CMIP: variants seen among roughly 807,000 people sequenced by gnomAD.
CMIP encodes the protein C-Maf-inducing protein.
Under a neutral mutation model 97.3 loss-of-function variants are expected in CMIP, and 13 were observed. The ratio of observed to expected loss-of-function variants is 0.13; its 90% CI spans 0.09 to 0.21. The LOEUF (loss-of-function observed/expected upper bound fraction) is 0.21. Among genes scored for constraint, CMIP ranks in the 10% least tolerant of loss-of-function variants. CMIP has a pLI of 1.00. For missense variants in CMIP, 847 were observed against 1,024.9 expected, an observed-to-expected ratio of 0.83 and a Z score of 2.37; for synonymous variants, 538 against 436.3, an observed-to-expected ratio of 1.23 and a Z score of -2.91.
intron 6 of CMIP, among the ~76,000 whole-genome samples, chr16:81,662,461 G>A (rs527595581): frequency 6.8e-4 from 104 of 152,282 alleles, no homozygotes; most frequent in African/African-American, 2.4e-3. Flanking sequence ...TTCAAAGAGG[G>A]CCGTCTGCCT....
intron 3 of CMIP, among the ~76,000 whole-genome samples, chr16:81,624,606 G>A (rs2092035806): frequency 6.6e-6 from 1 of 152,122 alleles, no homozygotes; most frequent in East Asian, 1.9e-4. Flanking sequence ...CCCCTAATGG[G>A]ACCAAAATTG....
At chr16:81,661,121 C>T (rs541583801) in intron 6 of CMIP, among the ~76,000 whole-genome samples, 175 bp downstream of exon 6, 6 of 152,254 alleles carry the variant, frequency 3.9e-5, no homozygotes, top group African/African-American at 1.4e-4. Flanking sequence ...GCTACACCCA[C>T]GTCTCTGCCA....
Position 81,476,188 on chromosome 16 carries a change from T to G in CMIP, c.300+30647T>G, listed in dbSNP as rs1024574093. Reference sequence around the variant, plus strand: ...AGTCTTGGCAGTGCGTGTGGAAAACTGGGAACCGTTTGTGTTGGGTCCAGC... The same window carrying G: ...AGTCTTGGCAGTGCGTGTGGAAAACGGGGAACCGTTTGTGTTGGGTCCAGC... On this transcript the variant is annotated intron_variant, in intron 1 of 20. Coordinates refer to ENST00000537098, the MANE Select transcript of CMIP (RefSeq NM_198390.3). 3 of 1,274,676 alleles carry G rather than the reference T, an allele frequency of 2.4e-6. No individual in the cohort carries two copies. In the South Asian group the frequency reaches 3.6e-5, roughly 15 times the overall value. 79.0% of individuals were successfully genotyped at this position (1,274,676 alleles called of 1,614,324 possible). A position where few individuals can be genotyped will look rare whatever the true frequency, so the allele number is the denominator to read the frequency against.
chr16:81,538,294 A>T (rs555104175), intron 1 of CMIP, among the ~76,000 whole-genome samples: 1 of 152,280 alleles, frequency 6.6e-6, no homozygotes, highest in South Asian at 2.1e-4. Context: ...CACTTAAGAC[A>T]TAGGCGGCCC....
chr16:81,469,198 C>T (rs1024785403), intron 1 of CMIP, among the ~76,000 whole-genome samples: 15 of 152,202 alleles, frequency 9.9e-5, no homozygotes, highest in African/African-American at 3.6e-4. Context: ...TGGGGTCATT[C>T]TGGACTAGAA....
At chr16:81,535,127 CT>C (rs1027403603) in intron 1 of CMIP, among the ~76,000 whole-genome samples, 2 of 152,016 alleles carry the variant, frequency 1.3e-5, no homozygotes, top group Non-Finnish European at 2.9e-5. Context: ...ATTTTTTGTA[CT>C]TTTAGTAGAG....
chr16:81,498,387 G>T (rs928209636), intron 1 of CMIP, among the ~76,000 whole-genome samples: 3 of 152,162 alleles, frequency 2.0e-5, no homozygotes, highest in Admixed American at 2.0e-4. Context: ...AGTGAGATGC[G>T]GCCCTTGTCC....
At chr16:81,634,765 A>G (rs2092213121) in intron 3 of CMIP, among the ~76,000 whole-genome samples, 1 of 152,244 alleles carries the variant, frequency 6.6e-6, no homozygotes, top group Admixed American at 6.5e-5. Context: ...AGCCCTTTGT[A>G]GTAGGCGCCG....
chr16:81,664,180 G>C, intron 6 of CMIP, 89 bp from the exon 7 acceptor site: 4 of 1,289,338 alleles, frequency 3.1e-6, no homozygotes, highest in Non-Finnish European at 4.3e-6. Flanking sequence ...CCCACAGCTG[G>C]GCTGACTGTC....
intron 13 of CMIP, among the ~76,000 whole-genome samples, chr16:81,694,034 C>T (rs866307706): frequency 5.3e-5 from 8 of 152,186 alleles, no homozygotes; most frequent in East Asian, 1.9e-4. Flanking sequence ...GCCCTGGGCC[C>T]GCATCATCTG....
At chr16:81,638,785 C>T (rs528923940) in intron 3 of CMIP, among the ~76,000 whole-genome samples, 6 of 152,234 alleles carry the variant, frequency 3.9e-5, no homozygotes, top group African/African-American at 1.4e-4. Context: ...GTCCGCACAG[C>T]CTCTGGTCAG....
intron 1 of CMIP, among the ~76,000 whole-genome samples, chr16:81,551,189 G>A (rs532049871): frequency 1.2e-3 from 149 of 121,554 alleles, no homozygotes; most frequent in Middle Eastern, 6.8e-3. Context: ...TCTATCACAC[G>A]TACCCCAGTT....
chr16:81,540,837 C>A (rs924941088), intron 1 of CMIP, among the ~76,000 whole-genome samples: 3 of 152,106 alleles, frequency 2.0e-5, no homozygotes, highest in African/African-American at 7.2e-5. Flanking sequence ...TGTGCCACCA[C>A]GCCTGGCTAA....
intron 1 of CMIP, among the ~76,000 whole-genome samples, chr16:81,568,048 T>TC (rs1307447136): frequency 6.7e-6 from 1 of 149,782 alleles, no homozygotes; most frequent in African/African-American, 2.5e-5. Flanking sequence ...TGTTTTTTTT[T>TC]TTTTTTTTTT....
intron 20 of CMIP, among the ~76,000 whole-genome samples, chr16:81,708,995 G>C (rs563230936): frequency 1.3e-5 from 2 of 152,356 alleles, no homozygotes; most frequent in East Asian, 3.9e-4. Context: ...CATGAGGCCA[G>C]TTAGGAGGCA....
intron 2 of CMIP, chr16:81,610,175 A>T: frequency 3.6e-6 from 1 of 279,520 alleles, no homozygotes; most frequent in Non-Finnish European, 5.4e-6. Flanking sequence ...ACAGGGATGG[A>T]GGGGCAGTGA....
intron 1 of CMIP, chr16:81,603,557 G>A (rs1267804339): frequency 1.9e-5 from 8 of 421,152 alleles, no homozygotes; most frequent in African/African-American, 8.3e-5. Flanking sequence ...CATGATTGCC[G>A]AAGTCCACAT....
At chr16:81,520,058 A>T (rs1236004570) in intron 1 of CMIP, 1 of 152,488 alleles carries the variant, frequency 6.6e-6, no homozygotes, top group Non-Finnish European at 1.5e-5. Flanking sequence ...GCTGCTCTTG[A>T]GTGGCCTGGT....
intron 10 of CMIP, 137 bp downstream of exon 10, chr16:81,678,765 G>T: frequency 1.7e-6 from 1 of 601,562 alleles, no homozygotes; most frequent in Non-Finnish European, 3.0e-6. Context: ...GAGTGCACAC[G>T]AGCTGGTGTG....
Sources: gnomAD v4.1 joint callset for allele counts (sites outside exome capture counted in the v4.1 genomes callset) on GRCh38, gnomAD v4.1.1 for gene constraint, MANE v1.5 for transcripts, NCBI Gene and HGNC (gene_info 2026-07-23, HGNC 2026-07-21) for gene names.